PASK: variants seen among roughly 807,000 people sequenced by gnomAD.
PASK encodes the protein PAS domain-containing serine/threonine-protein kinase.
PASK carries 110 observed loss-of-function variants against 121.0 expected under a neutral mutation model. The ratio of observed to expected loss-of-function variants is 0.91; its 90% CI spans 0.78 to 1.06. PASK has a LOEUF of 1.06. Ranked by LOEUF, PASK falls within the 50% of genes least tolerant of loss-of-function variation. PASK has a pLI of 0.00. For synonymous variants in PASK, 686 were observed against 717.8 expected, an observed-to-expected ratio of 0.96 and a Z score of 0.71; for missense variants, 1,643 against 1,702.3, an observed-to-expected ratio of 0.97 and a Z score of 0.61.
intron 9 of PASK, among the ~76,000 whole-genome samples, chr2:241,129,256 A>T (rs2066017574): frequency 6.6e-6 from 1 of 152,232 alleles, no homozygotes; most frequent in South Asian, 2.1e-4. Context: ...GCCCCTGGGC[A>T]GCACTGCATC....
At chr2:241,131,377 C>T (rs530498763) in intron 9 of PASK, among the ~76,000 whole-genome samples, 3 of 152,086 alleles carry the variant, frequency 2.0e-5, no homozygotes, top group Admixed American at 6.5e-5. Context: ...CTCCATCTGC[C>T]GACCTCATGA....
At chr2:241,149,653 GC>G, upstream of PASK, 1 of 1,542,092 alleles carries the variant, frequency 6.5e-7, no homozygotes, top group Non-Finnish European at 8.7e-7. Flanking sequence ...AATAATGGGC[GC>G]CTCCGCCCCC....
chr2:241,144,837 G>A (rs865937530), intron 1 of PASK, among the ~76,000 whole-genome samples: 1 of 152,168 alleles, frequency 6.6e-6, no homozygotes, highest in African/African-American at 2.4e-5. Context: ...TGGCCATACT[G>A]GCCATCTTTG....
intron 9 of PASK, 154 bp from the exon 10 acceptor site, chr2:241,127,605 T>TA: frequency 1.4e-6 from 1 of 695,708 alleles, no homozygotes; most frequent in Non-Finnish European, 2.6e-6. Flanking sequence ...AGTTAAAAAA[T>TA]AAAGCACTTA....
Position 241,114,161 on chromosome 2 carries a change from G to A in PASK, c.3333+882C>T, listed in dbSNP as rs370003718. ...GTTGGCCACAAACTAAAGGGAGGAC[G>A]TCACCTTCCAACACAGGAAGAGGGA... On this transcript the variant is annotated intron_variant, in intron 14 of 17. Transcript: ENST00000234040. 2.6e-5 allele frequency: 26 copies of A among 984,234 alleles called. No individual in the cohort carries two copies. The South Asian group carries it at 5.7e-4, about 21-fold the overall frequency. The allele number at this position is 984,234 out of a possible 1,614,324, so 61.0% of individuals were successfully genotyped here.
At chr2:241,127,705 T>A in intron 9 of PASK, 1 of 483,762 alleles carries the variant, frequency 2.1e-6, no homozygotes, top group Non-Finnish European at 3.8e-6. Flanking sequence ...CAGGAGAACT[T>A]GCCAATGCTT....
chr2:241,119,964 C>T (rs576383355), intron 12 of PASK, among the ~76,000 whole-genome samples: 1 of 152,206 alleles, frequency 6.6e-6, no homozygotes, highest in East Asian at 1.9e-4. Flanking sequence ...ATATTTTAAG[C>T]AGAAAGTCCT....
At chr2:241,128,792 G>A (rs1239324547) in intron 9 of PASK, among the ~76,000 whole-genome samples, 2 of 152,062 alleles carry the variant, frequency 1.3e-5, no homozygotes, top group Non-Finnish European at 2.9e-5. Flanking sequence ...CTTGAGCACA[G>A]GAGTCTAGGC....
rs116447960 is a variant in PASK at position 241,142,184 on chromosome 2, G to A, written c.196+653C>T. On this transcript the variant is annotated intron_variant, in intron 2 of 17. Transcript: ENST00000234040. ...TCCAACACCCTCCTACTCCAGTGTC[G>A]AAGTGCTCCTTGACCTGGAGACCAG... Among the ~76,000 whole-genome samples the A allele has an allele frequency of 1.4e-3, 209 of 152,076 alleles. 1 individual carries two copies. Among genetic ancestry groups the A allele is most frequent in the Admixed American group, 2.9e-3 (44 of 15,272 alleles).
At chr2:241,130,984 T>C (rs577644061) in intron 9 of PASK, among the ~76,000 whole-genome samples, 25 of 152,274 alleles carry the variant, frequency 1.6e-4, no homozygotes, top group Admixed American at 1.2e-3. Flanking sequence ...AATATACAAC[T>C]ATAGTTAAAT....
chr2:241,141,472 C>A (rs1460432428), intron 2 of PASK, among the ~76,000 whole-genome samples: 1 of 152,156 alleles, frequency 6.6e-6, no homozygotes, highest in East Asian at 1.9e-4. Flanking sequence ...GCTCCCAAAA[C>A]CCTCAGCCCC....
At position 241,106,452 on chromosome 2, in the gene PASK, G is replaced by A. The variant is rs2064882347; in HGVS notation, c.*114C>T. 17 of 1,090,562 alleles carry A rather than the reference G, an allele frequency of 1.6e-5. No individual in the cohort carries two copies. The highest frequency in any genetic ancestry group is 2.4e-5 in the Non-Finnish European group (17 of 709,314). 67.6% of individuals were successfully genotyped at this position (1,090,562 alleles called of 1,614,324 possible). ...TGGTGTTTATCAAACCTGCACATGA[G>A]TTTTTAGAAGGTGAATTGGGGATGC... On this transcript the variant is annotated 3_prime_UTR_variant, in exon 18 of 18. Transcript: ENST00000234040.
chr2:241,137,402 C>T (rs1229560160), intron 6 of PASK, 138 bp from the exon 7 acceptor site: 3 of 753,176 alleles, frequency 4.0e-6, no homozygotes, highest in Non-Finnish European at 7.2e-6. Context: ...CACTGCTCTG[C>T]CTTCCCTCTC....
intron 1 of PASK, among the ~76,000 whole-genome samples, chr2:241,143,379 G>A (rs192090057): frequency 1.8e-4 from 28 of 152,112 alleles, no homozygotes; most frequent in Admixed American, 1.5e-3. Context: ...GTGAAACTCC[G>A]TCTCCACTAA....
chr2:241,120,622 G>A (rs1418843377), intron 12 of PASK, among the ~76,000 whole-genome samples: 2 of 152,102 alleles, frequency 1.3e-5, no homozygotes, highest in African/African-American at 4.8e-5. Flanking sequence ...CATAACCACA[G>A]TGAGCTACCC....
At chr2:241,136,369 C>T (rs1372216311) in intron 7 of PASK, among the ~76,000 whole-genome samples, 2 of 152,234 alleles carry the variant, frequency 1.3e-5, no homozygotes, top group East Asian at 1.9e-4. Flanking sequence ...CCTCACCTCA[C>T]GCGGCTCACT....
rs900351327 is a variant in PASK at position 241,108,103 on chromosome 2, GA to G, written c.3667+63del. On this transcript the variant is annotated intron_variant, in intron 16 of 17. Coordinates refer to ENST00000234040, the MANE Select transcript of PASK (RefSeq NM_015148.4). The surrounding 1 kb of genome is among the most constrained non-coding windows in gnomAD (Gnocchi z 5.2). ...GATACACTGAGGAATGAGGAAATGG[GA>G]AAAAAAAGTGGCTGGTCTCTAAGGA... 1.6e-5 allele frequency: 25 copies of G among 1,542,938 alleles called. No homozygotes were observed. Among genetic ancestry groups the G allele is most frequent in the East Asian group, 2.2e-5 (1 of 44,546 alleles).
At chr2:241,145,911 C>T (rs1314874289) in intron 1 of PASK, 1 of 151,118 alleles carries the variant, frequency 6.6e-6, no homozygotes, top group Non-Finnish European at 1.5e-5. Flanking sequence ...GCACTCCAGC[C>T]TGGCGACACA....
At chr2:241,106,949 G>A (rs531835565) in intron 17 of PASK, among the ~76,000 whole-genome samples, 1 of 152,192 alleles carries the variant, frequency 6.6e-6, no homozygotes, top group Non-Finnish European at 1.5e-5. Flanking sequence ...TGGCTCTGTG[G>A]CCAGAGCCTT....
Sources: gnomAD v4.1 joint callset for allele counts (sites outside exome capture counted in the v4.1 genomes callset) on GRCh38, gnomAD v4.1.1 for gene constraint, Gnocchi (gnomAD v3.1) non-coding constraint, MANE v1.5 for transcripts, NCBI Gene and HGNC (gene_info 2026-07-23, HGNC 2026-07-21) for gene names.